Variants in FBXL5 observed in about 807,000 individuals in gnomAD.
FBXL5 encodes F-box/LRR-repeat protein 5.
A neutral mutation model predicts 78.3 loss-of-function variants in FBXL5; 26 were observed. The ratio of observed to expected loss-of-function variants is 0.33; its 90% CI spans 0.24 to 0.46. The LOEUF (loss-of-function observed/expected upper bound fraction) is 0.46, where lower values mean the gene tolerates loss of function less well. Among genes scored for constraint, FBXL5 ranks in the 20% least tolerant of loss-of-function variants. FBXL5 has a pLI of 1.00. For missense variants in FBXL5, 710 were observed against 829.2 expected (o/e 0.86, Z 1.77); for synonymous variants, 295 against 282.5 (o/e 1.04, Z -0.45).
chr4:15,607,146 C>T (rs1721944683), intron 10 of FBXL5, among the ~76,000 whole-genome samples: 1 of 152,144 alleles, frequency 6.6e-6, no homozygotes, highest in African/African-American at 2.4e-5. Context: ...GTTGATATGA[C>T]ACCTGTGATT....
At chr4:15,668,042 T>TAA (rs36082259) in intron 1 of FBXL5, among the ~76,000 whole-genome samples, 5 of 132,502 alleles carry the variant, frequency 3.8e-5, no homozygotes, top group Admixed American at 7.6e-5. Flanking sequence ...ACTCTATCTC[T>TAA]AAAAAAAAAA....
chr4:15,618,954 G>C (rs1226750186), intron 9 of FBXL5, among the ~76,000 whole-genome samples: 5 of 152,234 alleles, frequency 3.3e-5, no homozygotes, highest in Non-Finnish European at 7.3e-5. Flanking sequence ...AGGAGTTTGA[G>C]ACCAGCCTAA....
At position 15,655,317 on chromosome 4, in the gene FBXL5, C is replaced by T. The variant is rs1345023670; in HGVS notation, c.-30G>A. On this transcript the variant is annotated 5_prime_UTR_variant, in exon 1 of 11. Coordinates refer to ENST00000341285, the MANE Select transcript of FBXL5 (RefSeq NM_012161.4). Reference sequence around the variant, plus strand: ...ACTGCCTCAGCCTCCGCCTCAGCAGCCGCGGCCGCCGCCTCTCCATAGACA... The same window carrying T: ...ACTGCCTCAGCCTCCGCCTCAGCAGTCGCGGCCGCCGCCTCTCCATAGACA... 13 of 1,361,246 alleles carry T rather than the reference C, an allele frequency of 9.6e-6. No homozygotes were observed. The highest frequency in any genetic ancestry group is 2.4e-5 in the Admixed American group (1 of 41,928). The allele number at this position is 1,361,246 out of a possible 1,614,324, so 84.3% of individuals were successfully genotyped here.
At chr4:15,634,234 G>A (rs1318553322) in intron 5 of FBXL5, among the ~76,000 whole-genome samples, 6 of 152,006 alleles carry the variant, frequency 3.9e-5, no homozygotes, top group Non-Finnish European at 8.8e-5. Flanking sequence ...ACCCGGATTG[G>A]AGTACAGTGA....
At chr4:15,610,244 T>C (rs1412455102) in intron 10 of FBXL5, among the ~76,000 whole-genome samples, 1 of 152,080 alleles carries the variant, frequency 6.6e-6, no homozygotes, top group Non-Finnish European at 1.5e-5. Flanking sequence ...ACTTTCTAGG[T>C]TGTCCACATA....
intron 9 of FBXL5, among the ~76,000 whole-genome samples, chr4:15,613,846 T>G (rs61364176): frequency 0.021 from 17 of 810 alleles, no homozygotes; most frequent in Non-Finnish European, 0.5. Context: ...ATAACTTTTG[T>G]TTTTTTTTTT....
intron 2 of FBXL5, among the ~76,000 whole-genome samples, chr4:15,642,734 T>C (rs1238452458): frequency 6.6e-6 from 1 of 152,162 alleles, no homozygotes; most frequent in East Asian, 1.9e-4. Context: ...TCAAATTTGC[T>C]TTTTCATACT....
intron 1 of FBXL5, among the ~76,000 whole-genome samples, chr4:15,648,229 T>C (rs1213378186): frequency 6.6e-6 from 1 of 152,212 alleles, no homozygotes; most frequent in African/African-American, 2.4e-5. Flanking sequence ...GTAAGGCTTA[T>C]TTAGTAGGCT....
intron 7 of FBXL5, among the ~76,000 whole-genome samples, chr4:15,627,620 A>G (rs1287168544): frequency 6.6e-6 from 1 of 152,228 alleles, no homozygotes; most frequent in Non-Finnish European, 1.5e-5. Context: ...ATCACTTAAC[A>G]TCTGTGAAAC....
chr4:15,608,975 C>T (rs1722063186), intron 10 of FBXL5, among the ~76,000 whole-genome samples: 1 of 152,024 alleles, frequency 6.6e-6, no homozygotes, highest in Admixed American at 6.6e-5. Context: ...GCAACATTAA[C>T]AATAAAATCC....
chr4:15,621,071 A>ATTTCTGTGTG (rs1466412327), intron 9 of FBXL5, among the ~76,000 whole-genome samples: 1 of 151,820 alleles, frequency 6.6e-6, no homozygotes, highest in Non-Finnish European at 1.5e-5. Flanking sequence ...ACACCTCTAT[A>ATTTCTGTGTG]TTTCTGTGTG....
At chr4:15,612,491 C>A in intron 9 of FBXL5, 77 bp from the exon 10 acceptor site, 1 of 1,282,806 alleles carries the variant, frequency 7.8e-7, no homozygotes, top group Non-Finnish European at 1.1e-6. Context: ...CACTGAACCA[C>A]TATTTTACAT....
At chr4:15,641,968 C>A (rs573813489) in intron 2 of FBXL5, among the ~76,000 whole-genome samples, 1 of 151,434 alleles carries the variant, frequency 6.6e-6, no homozygotes, top group Non-Finnish European at 1.5e-5. Context: ...AAGGAGGTTG[C>A]GGTGAGCCGA....
At chr4:15,669,093 A>C (rs1717659806) in intron 1 of FBXL5, among the ~76,000 whole-genome samples, 1 of 152,232 alleles carries the variant, frequency 6.6e-6, no homozygotes, top group African/African-American at 2.4e-5. Flanking sequence ...ACACAACTGA[A>C]TTAGATATAT....
chr4:15,608,708 ATC>A lies in FBXL5; in HGVS notation c.2000-2911_2000-2910del, dbSNP rs551947489. Among the ~76,000 whole-genome samples, 241 of 152,200 alleles carry A rather than the reference ATC, an allele frequency of 1.6e-3. 3 individuals are homozygous for A. Among genetic ancestry groups the A allele is most frequent in the Non-Finnish European group, 3.5e-4 (24 of 67,988 alleles). Reference sequence around the variant, plus strand: ...TATTGTTTTCAAATTTGAAAGCAGAATCTGTTTAAAGAAGGCTATATGAACTT... The same window carrying A: ...TATTGTTTTCAAATTTGAAAGCAGAATGTTTAAAGAAGGCTATATGAACTT... On this transcript the variant is annotated intron_variant, in intron 10 of 10. Coordinates refer to ENST00000341285, the MANE Select transcript of FBXL5 (RefSeq NM_012161.4).
intron 7 of FBXL5, 27 bp downstream of exon 7, chr4:15,627,858 C>A: frequency 1.3e-6 from 2 of 1,582,576 alleles, no homozygotes; most frequent in African/African-American, 3.1e-5. Flanking sequence ...TTTCTTAATA[C>A]CCAAACTAGT....
intron 9 of FBXL5, among the ~76,000 whole-genome samples, chr4:15,623,872 G>A (rs573205382): frequency 6.6e-6 from 1 of 151,958 alleles, no homozygotes; most frequent in African/African-American, 2.4e-5. Context: ...GCCCAGGTTG[G>A]AGTGCAGCAG....
chr4:15,646,646 T>A (rs1044530107), intron 1 of FBXL5, among the ~76,000 whole-genome samples: 3 of 151,942 alleles, frequency 2.0e-5, no homozygotes, highest in African/African-American at 7.3e-5. Flanking sequence ...GCTGCACCCA[T>A]TAACCCGTCA....
At chr4:15,607,358 C>T (rs1560206359) in intron 10 of FBXL5, among the ~76,000 whole-genome samples, 1 of 152,026 alleles carries the variant, frequency 6.6e-6, no homozygotes, top group Non-Finnish European at 1.5e-5. Context: ...ATCAAAATAA[C>T]AATCTTTTCT....
Sources: gnomAD v4.1 joint callset for allele counts (sites outside exome capture counted in the v4.1 genomes callset) on GRCh38, gnomAD v4.1.1 for gene constraint, MANE v1.5 for transcripts, NCBI Gene and HGNC (gene_info 2026-07-23, HGNC 2026-07-21) for gene names.